PHACTR1: variants seen among roughly 807,000 people sequenced by gnomAD.
The protein encoded by PHACTR1 is phosphatase and actin regulator 1, also known as RPEL repeat containing 1.
A neutral mutation model predicts 69.2 loss-of-function variants in PHACTR1; 16 were observed. That is an observed-to-expected ratio of 0.23 (90% CI 0.16 to 0.35). The LOEUF (loss-of-function observed/expected upper bound fraction) is 0.35, where lower values mean the gene tolerates loss of function less well. PHACTR1 is among the 10% of genes least tolerant of loss of function. PHACTR1 has a pLI of 1.00. For synonymous variants in PHACTR1, 312 were observed against 284.5 expected (o/e 1.10, Z -0.97); for missense variants, 510 against 734.7 (o/e 0.69, Z 3.54).
At chr6:12,932,915 C>A (rs1648660670) in intron 4 of PHACTR1, among the ~76,000 whole-genome samples, 1 of 150,478 alleles carries the variant, frequency 6.6e-6, no homozygotes, top group Non-Finnish European at 1.5e-5. Flanking sequence ...ATACAGCCAG[C>A]ATTTAATTTA....
intron 4 of PHACTR1, among the ~76,000 whole-genome samples, chr6:13,015,614 A>C (rs539758217): frequency 2.6e-5 from 4 of 152,320 alleles, no homozygotes; most frequent in African/African-American, 9.6e-5. Flanking sequence ...CTTCCACAAC[A>C]CTGGGAGTTT....
intron 5 of PHACTR1, among the ~76,000 whole-genome samples, chr6:13,083,428 G>A (rs1811739196): frequency 6.6e-6 from 1 of 152,068 alleles, no homozygotes; most frequent in African/African-American, 2.4e-5. Flanking sequence ...GGCAATGCGG[G>A]CTCTTTTTTG....
chr6:12,787,066 C>A (rs942319277), intron 4 of PHACTR1, among the ~76,000 whole-genome samples: 3 of 152,148 alleles, frequency 2.0e-5, no homozygotes, highest in Admixed American at 2.0e-4. Flanking sequence ...CATTTTCCAA[C>A]TGACTGAAAA....
chr6:12,883,613 ACCTGAGT>A (rs569569049), intron 4 of PHACTR1, among the ~76,000 whole-genome samples: 166 of 151,810 alleles, frequency 1.1e-3, no homozygotes, highest in African/African-American at 3.6e-3. Flanking sequence ...GAGACCTGAG[ACCTGAGT>A]CCTGAGTCCT....
Position 13,271,166 on chromosome 6 carries a change from GC to G in PHACTR1, c.1392-1691del, listed in dbSNP as rs1483490009. Among the ~76,000 whole-genome samples, 13 of 152,096 alleles carry G rather than the reference GC, an allele frequency of 8.5e-5. No homozygotes were observed. In the East Asian group the frequency reaches 2.3e-3, roughly 27 times the overall value. On this transcript the variant is annotated intron_variant, in intron 10 of 14. Coordinates refer to ENST00000332995, the MANE Select transcript of PHACTR1 (RefSeq NM_030948.6). ...TAGGATTACAGGCATGTGCCACCAT[GC>G]CCGGCTAATTTTTGTATTTTTAATA...
At chr6:12,864,480 A>G (rs1781253445) in intron 4 of PHACTR1, among the ~76,000 whole-genome samples, 1 of 152,196 alleles carries the variant, frequency 6.6e-6, no homozygotes, top group Non-Finnish European at 1.5e-5. Context: ...GAAGATCCAG[A>G]CCATCCTGGC....
intron 4 of PHACTR1, among the ~76,000 whole-genome samples, chr6:12,954,779 A>C (rs954487672): frequency 3.9e-5 from 6 of 152,266 alleles, no homozygotes; most frequent in African/African-American, 1.4e-4. Flanking sequence ...CACTTGAATT[A>C]TGCCATAGGG....
intron 4 of PHACTR1, among the ~76,000 whole-genome samples, chr6:12,807,679 A>G (rs993776796): frequency 2.0e-5 from 3 of 152,180 alleles, no homozygotes; most frequent in Non-Finnish European, 2.9e-5. Flanking sequence ...CAATGAACCC[A>G]TCTTAAATTG....
At chr6:13,157,399 T>C (rs1020902691) in intron 5 of PHACTR1, among the ~76,000 whole-genome samples, 3 of 152,260 alleles carry the variant, frequency 2.0e-5, no homozygotes, top group Admixed American at 6.5e-5. Context: ...ATGGTCTGAA[T>C]GTCACATGAG....
intron 4 of PHACTR1, among the ~76,000 whole-genome samples, chr6:12,982,544 T>C (rs1014661078): frequency 6.6e-6 from 1 of 152,110 alleles, no homozygotes; most frequent in Non-Finnish European, 1.5e-5. Flanking sequence ...CCAGGTGTGG[T>C]GGCAAGCCCC....
chr6:12,902,638 G>A (rs983625777), intron 4 of PHACTR1, among the ~76,000 whole-genome samples: 1 of 151,928 alleles, frequency 6.6e-6, no homozygotes, highest in Non-Finnish European at 1.5e-5. Context: ...TAGGCTGAGG[G>A]GCATAACCTG....
At chr6:12,835,675 A>G (rs1357069942) in intron 4 of PHACTR1, among the ~76,000 whole-genome samples, 1 of 152,170 alleles carries the variant, frequency 6.6e-6, no homozygotes, top group African/African-American at 2.4e-5. Flanking sequence ...GCTATGTTTT[A>G]TGCAATAGTT....
chr6:13,032,481 A>G (rs1254008249), intron 4 of PHACTR1, among the ~76,000 whole-genome samples: 1 of 152,132 alleles, frequency 6.6e-6, no homozygotes, highest in Non-Finnish European at 1.5e-5. Context: ...AATAAATCCT[A>G]TTGTTGCTAT....
chr6:13,213,802 G>A (rs1218789286), intron 8 of PHACTR1, among the ~76,000 whole-genome samples: 1 of 152,116 alleles, frequency 6.6e-6, no homozygotes, highest in East Asian at 1.9e-4. Flanking sequence ...CCTTGATCTT[G>A]GACTTTCCAG....
chr6:13,258,076 G>A (rs1406359173), intron 10 of PHACTR1, among the ~76,000 whole-genome samples: 2 of 152,128 alleles, frequency 1.3e-5, no homozygotes, highest in Admixed American at 6.5e-5. Context: ...AAATACAACA[G>A]GCTGGGAGCA....
intron 10 of PHACTR1, among the ~76,000 whole-genome samples, chr6:13,254,223 A>G (rs565588529): frequency 1.1e-4 from 16 of 151,894 alleles, no homozygotes; most frequent in Middle Eastern, 3.4e-3. Flanking sequence ...GCAAGACTCC[A>G]TTTCAAAAAT....
intron 4 of PHACTR1, chr6:12,933,756 C>T (rs1213039067): frequency 6.2e-7 from 1 of 1,612,842 alleles, no homozygotes. Context: ...ACAGCCCCTA[C>T]ATACACTACA....
intron 10 of PHACTR1, among the ~76,000 whole-genome samples, chr6:13,263,888 C>A (rs1262913960): frequency 6.6e-6 from 1 of 152,094 alleles, no homozygotes; most frequent in African/African-American, 2.4e-5. Context: ...TCTATGTTAA[C>A]CAGTACTTAA....
intron 7 of PHACTR1, among the ~76,000 whole-genome samples, chr6:13,187,543 TC>T (rs1762974173): frequency 6.6e-6 from 1 of 152,146 alleles, no homozygotes; most frequent in Non-Finnish European, 1.5e-5. Context: ...TAGATTTTAA[TC>T]CCTAGGCAGT....
Sources: gnomAD v4.1 joint callset for allele counts (sites outside exome capture counted in the v4.1 genomes callset) on GRCh38, gnomAD v4.1.1 for gene constraint, MANE v1.5 for transcripts, NCBI Gene and HGNC (gene_info 2026-07-23, HGNC 2026-07-21) for gene names.